Variants in PDE3B observed in about 807,000 individuals in gnomAD.
PDE3B encodes phosphodiesterase 3B, also known as cGMP-inhibited 3',5'-cyclic phosphodiesterase 3B.
Under a neutral mutation model 116.8 loss-of-function variants are expected in PDE3B, and 66 were observed. That is an observed-to-expected ratio of 0.56 (90% confidence interval 0.46 to 0.69). The LOEUF (loss-of-function observed/expected upper bound fraction) is 0.69. Among genes scored for constraint, PDE3B ranks in the 30% least tolerant of loss-of-function variants. The pLI, the probability that PDE3B is intolerant of heterozygous loss-of-function variation, is 0.00. For synonymous variants in PDE3B, 595 were observed against 533.6 expected (o/e 1.12, Z -1.59); for missense variants, 1,384 against 1,368.1 (o/e 1.01, Z -0.18).
intron 8 of PDE3B, 101 bp downstream of exon 8, chr11:14,830,947 G>T: frequency 3.1e-6 from 2 of 643,452 alleles, no homozygotes; most frequent in Non-Finnish European, 2.3e-6. Context: ...TAATATAGTA[G>T]TATTTTTTAA....
Position 14,843,881 on chromosome 11 carries a change from G to C in PDE3B, c.2375G>C (p.Cys792Ser), listed in dbSNP as rs1565161059. ...GRIAYISSKS[C>S]SNPDESYGCL... is the part of the protein sequence containing the mutation. ...ATTGCTTATATTTCTTCGAAGAGCTGCTCTAATCCTGATGAGAGTTATGGC... is the reference window on the plus strand; with the variant it reads ...ATTGCTTATATTTCTTCGAAGAGCTCCTCTAATCCTGATGAGAGTTATGGC... The change falls in exon 12 of 16, where the codon TGC becomes TCC. Residue 792 changes from cysteine to serine, a missense_variant. Coordinates refer to ENST00000282096, the MANE Select transcript of PDE3B (RefSeq NM_000922.4). 1 of 1,614,054 alleles carries C rather than the reference G, an allele frequency of 6.2e-7. No individual in the cohort carries two copies. The highest frequency in any genetic ancestry group is 1.7e-5 in the Admixed American group (1 of 60,014).
intron 1 of PDE3B, among the ~76,000 whole-genome samples, chr11:14,696,798 AG>A (rs1373544800): frequency 1.3e-5 from 2 of 152,168 alleles, no homozygotes; most frequent in African/African-American, 4.8e-5. Flanking sequence ...AGAGAACAAA[AG>A]TTCCTAGTTT....
chr11:14,810,397 T>C (rs1181682843), intron 5 of PDE3B, among the ~76,000 whole-genome samples: 1 of 147,190 alleles, frequency 6.8e-6, no homozygotes, highest in Non-Finnish European at 1.5e-5. Context: ...AATTCCCACC[T>C]ACAAGTGAGA....
chr11:14,847,553 C>G (rs1308304680), intron 12 of PDE3B, among the ~76,000 whole-genome samples: 1 of 151,802 alleles, frequency 6.6e-6, no homozygotes, highest in Non-Finnish European at 1.5e-5. Context: ...AATCCAGGAG[C>G]TGGTTTTTTG....
intron 7 of PDE3B, among the ~76,000 whole-genome samples, chr11:14,822,931 T>C (rs1045747192): frequency 1.3e-5 from 2 of 152,108 alleles, no homozygotes; most frequent in Admixed American, 6.5e-5. Flanking sequence ...ATCTTTGCTG[T>C]TTTGCAGCCT....
At chr11:14,741,966 G>T (rs1309939736) in intron 1 of PDE3B, among the ~76,000 whole-genome samples, 1 of 152,110 alleles carries the variant, frequency 6.6e-6, no homozygotes, top group East Asian at 1.9e-4. Context: ...TCCGCTGTTA[G>T]TCTGATGGGC....
chr11:14,721,816 C>G (rs1442701057), intron 1 of PDE3B, among the ~76,000 whole-genome samples: 1 of 125,838 alleles, frequency 7.9e-6, no homozygotes, highest in African/African-American at 3.2e-5. Context: ...GGGAGATATA[C>G]CTAATGCTAG....
In PDE3B at chr11:14,843,285, A is replaced by G. The variant is rs912227322; in HGVS notation, c.2321-542A>G. On this transcript the variant is annotated intron_variant, in intron 11 of 15. Coordinates refer to ENST00000282096, the MANE Select transcript of PDE3B (RefSeq NM_000922.4). ...TTTCCACTATTTTTTATTCCGTTAT[A>G]TTATATGGAGCTTCATGAAAGAAAA... is the stretch of plus-strand genomic sequence containing the variant. Among the ~76,000 whole-genome samples the G allele has an allele frequency of 7.2e-5, 11 of 152,272 alleles. No individual in the cohort carries two copies. In the East Asian group the frequency reaches 2.1e-3, roughly 29 times the overall value.
the PDE3B span, among the ~76,000 whole-genome samples, chr11:14,881,671 G>A: frequency 6.6e-6 from 1 of 151,984 alleles, no homozygotes; most frequent in African/African-American, 2.4e-5. Context: ...GTGAGATCTG[G>A]TTGTTTAAAA....
intron 1 of PDE3B, among the ~76,000 whole-genome samples, chr11:14,754,846 T>C (rs1277329187): frequency 6.6e-6 from 1 of 152,190 alleles, no homozygotes; most frequent in African/African-American, 2.4e-5. Flanking sequence ...ATTTGAACTC[T>C]ATAGGCTCTT....
intron 8 of PDE3B, 88 bp downstream of exon 8, chr11:14,830,934 T>A: frequency 1.2e-6 from 1 of 838,284 alleles, no homozygotes; most frequent in Non-Finnish European, 1.7e-6. Context: ...AGAACAAGAT[T>A]TTTAATATAG....
intron 5 of PDE3B, among the ~76,000 whole-genome samples, chr11:14,815,978 AAGAG>A (rs1475457632): frequency 2.0e-5 from 3 of 148,338 alleles, no homozygotes; most frequent in South Asian, 2.1e-4. Flanking sequence ...CACGCAGAGA[AAGAG>A]AGAGAAAGTT....
At chr11:14,868,449 A>G (rs1555008461) in intron 15 of PDE3B, among the ~76,000 whole-genome samples, 1 of 152,062 alleles carries the variant, frequency 6.6e-6, no homozygotes, top group East Asian at 1.9e-4. Context: ...GGGAGGGGGG[A>G]AGGAAAACAT....
chr11:14,756,630 A>C (rs1857186942), intron 1 of PDE3B, among the ~76,000 whole-genome samples: 1 of 152,188 alleles, frequency 6.6e-6, no homozygotes, highest in Non-Finnish European at 1.5e-5. Context: ...TCTCCTAAGG[A>C]AAACTGCGAG....
chr11:14,844,119 G>A (rs1847533913), intron 12 of PDE3B, 93 bp downstream of exon 12: 1 of 897,702 alleles, frequency 1.1e-6, no homozygotes, highest in African/African-American at 1.6e-5. Context: ...TGAATCATAT[G>A]TCCAATCCAT....
In PDE3B at chr11:14,843,058, C is replaced by A. The variant is rs187035390; in HGVS notation, c.2321-769C>A. 2.0e-3 allele frequency among the ~76,000 whole-genome samples: 299 copies of A among 152,150 alleles called. 1 individual carries two copies. The highest frequency in any genetic ancestry group is 6.6e-3 in the African/African-American group (275 of 41,526). ...CTTTAAATATAGTTTCTTTTTCCTTCTTATACTTTTTAAAGGTTTCTTTTG... is the reference window on the plus strand; with the variant it reads ...CTTTAAATATAGTTTCTTTTTCCTTATTATACTTTTTAAAGGTTTCTTTTG... On this transcript the variant is annotated intron_variant, in intron 11 of 15. Transcript: ENST00000282096.
rs147166302 is a variant in PDE3B at position 14,828,489 on chromosome 11, A to T, written c.1808-2209A>T. On this transcript the variant is annotated intron_variant, in intron 7 of 15. Transcript: ENST00000282096. The stretch of plus-strand genomic sequence containing the variant: ...TGACAAGAAAAAACAAACATAAAAA[A>T]GTGGGCAAAGGATATGAACAGACAA... Among the ~76,000 whole-genome samples the T allele has an allele frequency of 5.4e-4, 83 of 152,302 alleles. 1 individual carries two copies. Among genetic ancestry groups the T allele is most frequent in the African/African-American group, 1.9e-3 (78 of 41,582 alleles).
At chr11:14,673,283 G>T (rs979873210) in intron 1 of PDE3B, among the ~76,000 whole-genome samples, 5 of 151,808 alleles carry the variant, frequency 3.3e-5, no homozygotes, top group African/African-American at 9.7e-5. Flanking sequence ...ATAAAAGTGC[G>T]TAGTGTCAAA....
At position 14,644,453 on chromosome 11, in the gene PDE3B, C is replaced by T. The variant is rs780017093; in HGVS notation, c.378C>T (p.Ala126=). 1.9e-6 allele frequency: 3 copies of T among 1,613,124 alleles called. No homozygotes were observed. The highest frequency in any genetic ancestry group is 3.3e-5 in the Admixed American group (2 of 59,964). ...SHSLSPLFSI[A]CAFFFLTCFL... is the part of the protein sequence containing the mutation. ...GCTTGAGCCCCCTCTTCAGCATCGC[C>T]TGTGCCTTCTTCTTCCTCACCTGCT... The change falls in exon 1 of 16, where the codon GCC becomes GCT. Residue 126 remains alanine, a synonymous_variant. Coordinates refer to ENST00000282096, the MANE Select transcript of PDE3B (RefSeq NM_000922.4).
Sources: allele counts gnomAD v4.1 joint callset (sites outside exome capture counted in the v4.1 genomes callset), GRCh38; gene constraint gnomAD v4.1.1; transcripts MANE v1.5; gene names NCBI Gene and HGNC (gene_info 2026-07-23, HGNC 2026-07-21).